Variants in PRKN observed in about 807,000 individuals in gnomAD.
PRKN encodes parkin RBR E3 ubiquitin protein ligase, also known as E3 ubiquitin-protein ligase parkin.
Under a neutral mutation model 59.5 loss-of-function variants are expected in PRKN, and 56 were observed. That is an observed-to-expected ratio of 0.94 (90% CI 0.76 to 1.18). The LOEUF is 1.18. PRKN is among the 50% of genes most tolerant of loss of function. PRKN has a pLI of 0.00. For synonymous variants in PRKN, 250 were observed against 222.1 expected (o/e 1.13, Z -1.12); for missense variants, 657 against 596.4 (o/e 1.10, Z -1.06).
chr6:161,680,775 A>ATATATATATATTTTT (rs1216235673), intron 7 of PRKN, among the ~76,000 whole-genome samples: 5 of 30,626 alleles, frequency 1.6e-4, no homozygotes, highest in Admixed American at 5.1e-4. Flanking sequence ...ATATATATAT[A>ATATATATATATTTTT]TTTTTTTTTT....
chr6:162,704,056 A>G (rs1306741073), intron 1 of PRKN, among the ~76,000 whole-genome samples: 3 of 152,104 alleles, frequency 2.0e-5, no homozygotes, highest in African/African-American at 7.2e-5. Context: ...CACAATTTGG[A>G]CACTTAGACA....
chr6:162,431,124 T>C (rs994422250), intron 2 of PRKN, among the ~76,000 whole-genome samples: 22 of 151,884 alleles, frequency 1.4e-4, no homozygotes, highest in African/African-American at 5.1e-4. Flanking sequence ...CAGAGCTTTG[T>C]ATTTATAGAG....
At chr6:161,906,970 C>T (rs1214320831) in intron 6 of PRKN, among the ~76,000 whole-genome samples, 1 of 151,982 alleles carries the variant, frequency 6.6e-6, no homozygotes, top group Non-Finnish European at 1.5e-5. Context: ...TGGTGCCCAC[C>T]CAGATTGAGG....
At chr6:162,352,698 A>G (rs1784673440) in intron 2 of PRKN, among the ~76,000 whole-genome samples, 1 of 152,154 alleles carries the variant, frequency 6.6e-6, no homozygotes, top group South Asian at 2.1e-4. Context: ...TCTCACGTCT[A>G]ATTATTTTCT....
intron 1 of PRKN, among the ~76,000 whole-genome samples, chr6:162,464,203 G>A (rs977417816): frequency 2.0e-5 from 3 of 152,064 alleles, no homozygotes; most frequent in Non-Finnish European, 2.9e-5. Flanking sequence ...TGATTAAAAG[G>A]CGATTACTAT....
At chr6:162,664,731 T>C (rs1449098258) in intron 1 of PRKN, among the ~76,000 whole-genome samples, 1 of 152,058 alleles carries the variant, frequency 6.6e-6, no homozygotes, top group Non-Finnish European at 1.5e-5. Context: ...TTTTTGATGC[T>C]GTTTTTTTTT....
At chr6:161,510,402 G>T (rs1778341858) in intron 9 of PRKN, among the ~76,000 whole-genome samples, 1 of 149,476 alleles carries the variant, frequency 6.7e-6, no homozygotes. Flanking sequence ...TGTCCCTGAG[G>T]TCGCCAGTGA....
intron 10 of PRKN, among the ~76,000 whole-genome samples, chr6:161,384,844 T>C (rs1209876456): frequency 6.6e-6 from 1 of 152,250 alleles, no homozygotes; most frequent in East Asian, 1.9e-4. Context: ...TGGTTTAGCA[T>C]ATTACTGTAA....
chr6:162,390,344 G>A (rs1407536334), intron 2 of PRKN, among the ~76,000 whole-genome samples: 2 of 141,322 alleles, frequency 1.4e-5, no homozygotes, highest in Non-Finnish European at 3.0e-5. Flanking sequence ...CTTTTTGGAG[G>A]GGAATGCCAC....
At chr6:162,649,574 G>A (rs1778337117) in intron 1 of PRKN, among the ~76,000 whole-genome samples, 1 of 151,896 alleles carries the variant, frequency 6.6e-6, no homozygotes, top group African/African-American at 2.4e-5. Flanking sequence ...GATTCAGAGA[G>A]ATTTGGGTTC....
At chr6:161,565,913 T>C (rs1241384801) in intron 8 of PRKN, among the ~76,000 whole-genome samples, 1 of 152,164 alleles carries the variant, frequency 6.6e-6, no homozygotes, top group African/African-American at 2.4e-5. Flanking sequence ...TCTCCCCCAC[T>C]GTTACCAGGC....
At position 162,343,979 on chromosome 6, in the gene PRKN, C is replaced by T. The variant is rs1041555241; in HGVS notation, c.172-81214G>A. On this transcript the variant is annotated intron_variant, in intron 2 of 11. Transcript: ENST00000366898. ...CTAAGAAACGTGGTCTGTGGTCACT[C>T]CCTCTCTGGCACCTTTACCACAGTG... is the stretch of plus-strand genomic sequence containing the variant. Among the ~76,000 whole-genome samples the T allele has an allele frequency of 5.3e-5, 8 of 152,146 alleles. 1 individual carries two copies. The highest frequency in any genetic ancestry group is 1.9e-4 in the African/African-American group (8 of 41,440).
chr6:162,060,854 C>T (rs1421224689), intron 4 of PRKN, among the ~76,000 whole-genome samples: 1 of 151,984 alleles, frequency 6.6e-6, no homozygotes, highest in Non-Finnish European at 1.5e-5. Flanking sequence ...CTATACTTAC[C>T]CTATTATCTC....
intron 3 of PRKN, 62 bp downstream of exon 3, chr6:162,262,463 C>T: frequency 6.2e-7 from 1 of 1,601,282 alleles, no homozygotes; most frequent in Non-Finnish European, 8.6e-7. Flanking sequence ...GGCCATGCTC[C>T]ATGCAGACTG....
At chr6:161,846,902 C>T (rs941370427) in intron 6 of PRKN, among the ~76,000 whole-genome samples, 1 of 152,146 alleles carries the variant, frequency 6.6e-6, no homozygotes, top group Non-Finnish European at 1.5e-5. Flanking sequence ...TATCACTGTA[C>T]CATGAGGAGA....
intron 4 of PRKN, among the ~76,000 whole-genome samples, chr6:162,160,324 A>C (rs183667151): frequency 6.6e-6 from 1 of 152,330 alleles, no homozygotes; most frequent in East Asian, 1.9e-4. Context: ...TTAGTCATTC[A>C]GAAAATGCTT....
Position 161,391,447 on chromosome 6 carries a change from TC to T in PRKN, c.1084-4571del, listed in dbSNP as rs1433138373. ...ATTTCCGTAGAGTTGTTTTTTTTTT[TC>T]GAGAAATTTTAAATGTCTTTAAACA... On this transcript the variant is annotated intron_variant, in intron 9 of 11. Coordinates refer to ENST00000366898, the MANE Select transcript of PRKN (RefSeq NM_004562.3). The surrounding 1 kb of genome is among the most constrained non-coding windows in gnomAD (Gnocchi z 4.9). 6.6e-6 allele frequency among the ~76,000 whole-genome samples: 1 copy of T among 151,936 alleles called. No individual in the cohort carries two copies. Among genetic ancestry groups the T allele is most frequent in the Non-Finnish European group, 1.5e-5 (1 of 67,976 alleles).
chr6:161,779,435 C>CTTTCCTTTTTTTT (rs1234367519), intron 7 of PRKN, among the ~76,000 whole-genome samples: 25 of 40,420 alleles, frequency 6.2e-4, no homozygotes, highest in Admixed American at 1.1e-3. Flanking sequence ...TTTTTCTTTT[C>CTTTCCTTTTTTTT]TTTTCTTTTT....
rs544007743 is a variant in PRKN, at chr6:162,126,169, C to G, written c.535-71995G>C. Among the ~76,000 whole-genome samples the G allele has an allele frequency of 3.1e-4, 47 of 152,242 alleles. 2 individuals are homozygous for G. The South Asian group carries it at 9.3e-3, about 30-fold the overall frequency. On this transcript the variant is annotated intron_variant, in intron 4 of 11. Transcript: ENST00000366898. ...GATAAAGGAAGAAACAATGGCTGTG[C>G]TATATGCATGCTTATCACTGCAGAA... is the stretch of plus-strand genomic sequence containing the variant.
Sources: allele counts gnomAD v4.1 joint callset (sites outside exome capture counted in the v4.1 genomes callset), GRCh38; gene constraint gnomAD v4.1.1; non-coding constraint Gnocchi (gnomAD v3.1); transcripts MANE v1.5; gene names NCBI Gene and HGNC (gene_info 2026-07-23, HGNC 2026-07-21).